The following LAMC3 variants were observed in gnomAD, a reference collection of about 807,000 sequenced individuals.
The protein encoded by LAMC3 is laminin subunit gamma 3, also known as laminin subunit gamma-3.
Under a neutral mutation model 173.8 loss-of-function variants are expected in LAMC3, and 128 were observed. That is an observed-to-expected ratio of 0.74 (90% CI 0.64 to 0.85). The LOEUF (loss-of-function observed/expected upper bound fraction) is 0.85. LAMC3 is among the 40% of genes least tolerant of loss of function. The probability of loss-of-function intolerance (pLI) is 0.00; values close to 1 mark genes in which losing one functional copy is unlikely to be tolerated. For missense variants in LAMC3, 2,022 were observed against 2,156.0 expected, an observed-to-expected ratio of 0.94 and a Z score of 1.23; for synonymous variants, 897 against 909.1, an observed-to-expected ratio of 0.99 and a Z score of 0.24.
At chr9:131,032,738 A>T (rs1051101368) in intron 3 of LAMC3, among the ~76,000 whole-genome samples, 7 of 152,000 alleles carry the variant, frequency 4.6e-5, no homozygotes, top group Admixed American at 3.9e-4. Flanking sequence ...GTGCAATCTC[A>T]GCTCACTGCA....
intron 3 of LAMC3, among the ~76,000 whole-genome samples, chr9:131,034,199 C>T (rs1833900599): frequency 6.6e-6 from 1 of 152,144 alleles, no homozygotes; most frequent in African/African-American, 2.4e-5. Context: ...CAGTGGAGCC[C>T]GTGGAGTCTC....
intron 12 of LAMC3, among the ~76,000 whole-genome samples, chr9:131,060,030 C>T (rs1477055185): frequency 6.6e-6 from 1 of 152,186 alleles, no homozygotes; most frequent in African/African-American, 2.4e-5. Flanking sequence ...GCGGGTCTCC[C>T]TTCCCAAGCA....
intron 17 of LAMC3, among the ~76,000 whole-genome samples, chr9:131,070,803 C>T (rs1291832499): frequency 6.6e-6 from 1 of 152,218 alleles, no homozygotes; most frequent in Non-Finnish European, 1.5e-5. Flanking sequence ...GATATTTATG[C>T]AGGAAAACAG....
chr9:131,011,427 C>T (rs377008583), intron 1 of LAMC3, among the ~76,000 whole-genome samples: 20 of 152,292 alleles, frequency 1.3e-4, no homozygotes, highest in Middle Eastern at 3.4e-3. Flanking sequence ...ATGTGAGTTC[C>T]GCCACCCATC....
chr9:131,052,158 C>T (rs1361316057), intron 9 of LAMC3, among the ~76,000 whole-genome samples: 1 of 152,200 alleles, frequency 6.6e-6, no homozygotes, highest in East Asian at 1.9e-4. Context: ...GAGCAGACGG[C>T]AGCCTCTCTG....
At chr9:131,044,490 A>G (rs1834113399) in intron 7 of LAMC3, among the ~76,000 whole-genome samples, 1 of 152,166 alleles carries the variant, frequency 6.6e-6, no homozygotes, top group Non-Finnish European at 1.5e-5. Flanking sequence ...AGCTTGGGCA[A>G]CAGAGCGAGA....
Position 131,091,571 on chromosome 9 carries a change from C to A in LAMC3, c.4512C>A (p.Ala1504=). The stretch of plus-strand genomic sequence containing the variant: ...ACACCCATCAAGCCCCAGCCCAGGC[C>A]CTGAACGAGACTCAGTGGGCACTAG... ...SLDTHQAPAQ[A]LNETQWALER... is the part of the protein sequence containing the mutation. The change falls in exon 28 of 28, where the codon GCC becomes GCA. Residue 1504 remains alanine (A), a synonymous_variant. Coordinates refer to ENST00000361069, the MANE Select transcript of LAMC3 (RefSeq NM_006059.4). The A allele has an allele frequency of 6.3e-7, 1 of 1,588,740 alleles. No individual in the cohort carries two copies. Among genetic ancestry groups the A allele is most frequent in the East Asian group, 2.3e-5 (1 of 43,910 alleles).
chr9:131,055,381 C>G (rs926746427), intron 11 of LAMC3, among the ~76,000 whole-genome samples: 5 of 150,438 alleles, frequency 3.3e-5, no homozygotes, highest in African/African-American at 1.2e-4. Flanking sequence ...GCAAAACCTT[C>G]TGATTAGTAT....
chr9:131,069,792 C>G lies in LAMC3; in HGVS notation c.3011C>G (p.Thr1004Arg), dbSNP rs367843721. Reference protein sequence around the residue: ...CDRCHDNFFLTADGTHCQQCP... With the variant: ...CDRCHDNFFLRADGTHCQQCP... ...CGCTGCCACGACAACTTCTTCCTCA[C>G]GGCAGACGGCACACACTGCCAGCAA... Residue 1004 changes from threonine (T) to arginine (R), a missense_variant, in exon 17 of 28, where the codon ACG becomes AGG. Physicochemically the swap from Thr to Arg is moderately conservative, Grantham distance 71. Coordinates refer to ENST00000361069, the MANE Select transcript of LAMC3 (RefSeq NM_006059.4). 4.7e-5 allele frequency: 75 copies of G among 1,593,696 alleles called. No homozygotes were observed. Among genetic ancestry groups the G allele is most frequent in the Non-Finnish European group, 6.1e-5 (71 of 1,170,120 alleles).
At chr9:131,076,111 G>C (rs981303663) in intron 21 of LAMC3, 146 bp downstream of exon 21, 1 of 848,406 alleles carries the variant, frequency 1.2e-6, no homozygotes, top group Non-Finnish European at 1.8e-6. Flanking sequence ...CATCCTCCTC[G>C]GAGTGGGGCC....
At chr9:131,045,815 C>T (rs1338337209) in intron 8 of LAMC3, among the ~76,000 whole-genome samples, 155 bp downstream of exon 8, 1 of 152,222 alleles carries the variant, frequency 6.6e-6, no homozygotes, top group Non-Finnish European at 1.5e-5. Flanking sequence ...GAGATGATGG[C>T]TCCCCAGTGC....
Position 131,052,955 on chromosome 9 carries a change from C to CAGCCCT in LAMC3, c.1930_1935dup (p.Ser644_Pro645dup). ...TCCGCCTCCGCGTCAGTCCCGGCCC[C>CAGCCCT]AGCCCTGCCGGTCAGTAAAGACAAC... On this transcript the variant is annotated inframe_insertion, in exon 11 of 28. Coordinates refer to ENST00000361069, the MANE Select transcript of LAMC3 (RefSeq NM_006059.4). The CAGCCCT allele has an allele frequency of 1.2e-6, 2 of 1,612,330 alleles. No homozygotes were observed. The highest frequency in any genetic ancestry group is 1.7e-4 in the Middle Eastern group (1 of 6,060).
chr9:131,063,386 G>A (rs1256591695), intron 13 of LAMC3, among the ~76,000 whole-genome samples: 2 of 152,242 alleles, frequency 1.3e-5, no homozygotes, highest in Non-Finnish European at 2.9e-5. Context: ...GGTGGACCCA[G>A]GCTGAGACAT....
At chr9:131,025,602 G>C (rs535698310) in intron 1 of LAMC3, among the ~76,000 whole-genome samples, 1 of 152,094 alleles carries the variant, frequency 6.6e-6, no homozygotes, top group Non-Finnish European at 1.5e-5. Flanking sequence ...GGCCCCGGGA[G>C]AGGGGACTTT....
At chr9:131,087,987 C>G (rs1830360905) in intron 27 of LAMC3, among the ~76,000 whole-genome samples, 170 bp downstream of exon 27, 1 of 152,202 alleles carries the variant, frequency 6.6e-6, no homozygotes, top group South Asian at 2.1e-4. Flanking sequence ...TGCCCAGGCC[C>G]CCTTGCCATG....
intron 7 of LAMC3, 48 bp from the exon 8 acceptor site, chr9:131,045,476 C>T (rs200373372): frequency 7.0e-5 from 113 of 1,611,130 alleles, no homozygotes; most frequent in Middle Eastern, 1.7e-4. Flanking sequence ...CCGCCCCTTC[C>T]TGGCTGATTC....
chr9:131,045,457 A>G, intron 7 of LAMC3, 67 bp from the exon 8 acceptor site: 1 of 1,587,672 alleles, frequency 6.3e-7, no homozygotes, highest in South Asian at 1.1e-5. Context: ...CAGCTGGGAT[A>G]CCCTGGCCCC....
chr9:131,083,309 T>C (rs1830274898), intron 24 of LAMC3, among the ~76,000 whole-genome samples: 1 of 152,188 alleles, frequency 6.6e-6, no homozygotes, highest in Non-Finnish European at 1.5e-5. Flanking sequence ...TTCCTTGCAC[T>C]GTTCCCATAA....
In LAMC3 at chr9:131,068,124, C is replaced by T. The variant is rs770821754; in HGVS notation, c.2640C>T (p.Cys880=). The T allele has an allele frequency of 3.0e-5, 49 of 1,612,818 alleles. No homozygotes were observed. The highest frequency in any genetic ancestry group is 6.7e-5 in the East Asian group (3 of 44,894). Reference sequence around the variant, plus strand: ...GCTCGGTCAGTGAGCAGATGCCCTGCGACCCAGTGACAGGCCAATGCTCCT... The same window carrying T: ...GCTCGGTCAGTGAGCAGATGCCCTGTGACCCAGTGACAGGCCAATGCTCCT... ...PQGSVSEQMP[C]DPVTGQCSCL... Residue 880 remains cysteine, a synonymous_variant, in exon 15 of 28, where the codon TGC becomes TGT. Transcript: ENST00000361069.
Sources: gnomAD v4.1 joint callset for allele counts (sites outside exome capture counted in the v4.1 genomes callset) on GRCh38, gnomAD v4.1.1 for gene constraint, MANE v1.5 for transcripts, NCBI Gene and HGNC (gene_info 2026-07-23, HGNC 2026-07-21) for gene names.